Variants in BBS2 observed in about 807,000 individuals in gnomAD.
BBS2 encodes the protein Bardet-Biedl syndrome 2.
A neutral mutation model predicts 83.0 loss-of-function variants in BBS2; 62 were observed. That is an observed-to-expected ratio of 0.75 (90% CI 0.61 to 0.92). BBS2 has a LOEUF of 0.92. BBS2 is among the 40% of genes least tolerant of loss of function. The pLI, the probability that BBS2 is intolerant of heterozygous loss-of-function variation, is 0.00. For synonymous variants in BBS2, 303 were observed against 326.1 expected (o/e 0.93, Z 0.76); for missense variants, 784 against 901.0 (o/e 0.87, Z 1.66).
intron 17 of BBS2, chr16:56,478,947 G>C (rs1375497906): frequency 6.6e-6 from 1 of 152,192 alleles, no homozygotes; most frequent in Non-Finnish European, 1.5e-5. Context: ...CAGTGATAGT[G>C]AAGTTTGTTT....
rs564022658 is a variant in BBS2 at position 56,513,091 on chromosome 16, G to A, written c.345+1362C>T. Among the ~76,000 whole-genome samples the A allele has an allele frequency of 9.2e-5, 14 of 152,286 alleles. No individual in the cohort carries two copies. In the East Asian group the frequency reaches 2.5e-3, roughly 27 times the overall value. On this transcript the variant is annotated intron_variant, in intron 2 of 16. Transcript: ENST00000245157. ...TGCTTGAGCCCATGAGGTCAAGGCTGCAGTAAGCCATGATCATGCCACTGC... is the reference window on the plus strand; with the variant it reads ...TGCTTGAGCCCATGAGGTCAAGGCTACAGTAAGCCATGATCATGCCACTGC...
intron 1 of BBS2, among the ~76,000 whole-genome samples, chr16:56,517,853 T>G (rs930561789): frequency 3.3e-5 from 5 of 150,716 alleles, no homozygotes; most frequent in African/African-American, 1.2e-4. Context: ...CGAGTCTCAC[T>G]CTGTCGCCCA....
chr16:56,473,062 C>T (rs1199214315), intron 17 of BBS2, among the ~76,000 whole-genome samples: 3 of 152,192 alleles, frequency 2.0e-5, no homozygotes, highest in Non-Finnish European at 4.4e-5. Context: ...TCCCGAGTAG[C>T]TGGGACTACA....
At chr16:56,505,098 A>ACC (rs1209231420) in intron 7 of BBS2, among the ~76,000 whole-genome samples, 5 of 152,132 alleles carry the variant, frequency 3.3e-5, no homozygotes, top group African/African-American at 1.2e-4. Flanking sequence ...TAAGCCACCC[A>ACC]CCCTATGGTA....
At chr16:56,503,919 CAAA>C (rs11379537) in intron 7 of BBS2, among the ~76,000 whole-genome samples, 5 of 109,166 alleles carry the variant, frequency 4.6e-5, no homozygotes, top group Non-Finnish European at 4.0e-5. Context: ...ACTCCAGTCT[CAAA>C]AAAAAAAAAA....
At chr16:56,476,577 ATTG>A (rs1963486803) in intron 17 of BBS2, 1 of 156,296 alleles carries the variant, frequency 6.4e-6, no homozygotes. Flanking sequence ...GTACATTCTC[ATTG>A]TTGTCCAGCC....
At chr16:56,475,585 AAACT>A in intron 17 of BBS2, 1 of 1,607,198 alleles carries the variant, frequency 6.2e-7, no homozygotes. Context: ...TTCTGATAGC[AAACT>A]ATCATTTTTA....
intron 15 of BBS2, among the ~76,000 whole-genome samples, chr16:56,488,652 A>T (rs888834855): frequency 3.9e-5 from 6 of 152,114 alleles, no homozygotes; most frequent in African/African-American, 1.2e-4. Context: ...TGGAATCTTC[A>T]TTATTTGGGC....
At chr16:56,483,685 C>A (rs1261740563), downstream of BBS2, among the ~76,000 whole-genome samples, 24 of 151,366 alleles carry the variant, frequency 1.6e-4, no homozygotes, top group Admixed American at 1.6e-3. Context: ...AAAAAGCACA[C>A]AAATCCAAAT....
intron 17 of BBS2, among the ~76,000 whole-genome samples, chr16:56,473,714 T>A (rs76319459): frequency 6.6e-6 from 1 of 152,230 alleles, no homozygotes; most frequent in Non-Finnish European, 1.5e-5. Context: ...TTTTTTTTTT[T>A]CATGAGTTGC....
At chr16:56,507,276 G>A (rs1215091370) in intron 5 of BBS2, among the ~76,000 whole-genome samples, 1 of 152,312 alleles carries the variant, frequency 6.6e-6, no homozygotes, top group Non-Finnish European at 1.5e-5. Context: ...TTTAGCCCCA[G>A]ATTCCTCAGC....
rs1369293430 is a variant in BBS2 at position 56,511,210 on chromosome 16, G to C, written c.420C>G (p.Gly140=). The change falls in exon 3 of 17, where the codon GGC becomes GGG. Residue 140 remains glycine (G), a synonymous_variant. Coordinates refer to ENST00000245157, the MANE Select transcript of BBS2 (RefSeq NM_031885.5). ...DISSPLAIIG[G]NCALQGFNHE... ...GATTGAAACCTTGCAGAGCACAATT[G>C]CCACCAATAATCGCAAGAGGGGAAG... 6.2e-7 allele frequency: 1 copy of C among 1,614,064 alleles called. No homozygotes were observed. Among genetic ancestry groups the C allele is most frequent in the East Asian group, 2.2e-5 (1 of 44,870 alleles).
At chr16:56,473,025 G>T (rs1416665803) in intron 17 of BBS2, among the ~76,000 whole-genome samples, 4 of 152,172 alleles carry the variant, frequency 2.6e-5, no homozygotes, top group Non-Finnish European at 5.9e-5. Flanking sequence ...CCGTCTTCCG[G>T]GTTCAAGCGA....
chr16:56,504,345 TC>T (rs764561724), intron 7 of BBS2, among the ~76,000 whole-genome samples: 4 of 152,220 alleles, frequency 2.6e-5, no homozygotes, highest in Non-Finnish European at 5.9e-5. Context: ...ATAAGAAGGC[TC>T]ATTTGCTAAC....
intron 15 of BBS2, among the ~76,000 whole-genome samples, chr16:56,490,526 C>T (rs1347520793): frequency 1.3e-5 from 2 of 151,506 alleles, no homozygotes; most frequent in Non-Finnish European, 2.9e-5. Flanking sequence ...GGTGTGGTAG[C>T]GCTACTTGGG....
chr16:56,502,638 G>T, intron 8 of BBS2, 35 bp downstream of exon 8: 1 of 1,613,944 alleles, frequency 6.2e-7, no homozygotes, highest in South Asian at 1.1e-5. Flanking sequence ...AATGGAAAAC[G>T]TGACTTTTTA....
At position 56,519,949 on chromosome 16, in the gene BBS2, G is replaced by T. The variant is rs1467015395; in HGVS notation, c.-87C>A. 5.2e-6 allele frequency: 6 copies of T among 1,159,842 alleles called. No homozygotes were observed. Among genetic ancestry groups the T allele is most frequent in the Non-Finnish European group, 7.7e-6 (6 of 780,494 alleles). The allele number at this position is 1,159,842 out of a possible 1,614,324, so 71.8% of individuals were successfully genotyped here. A position where few individuals can be genotyped will look rare whatever the true frequency, so the allele number is the denominator to read the frequency against. ...CACGCGCCCGGGCAAGAAGTGCAGG[G>T]ACACTACCTGCGCGGCCCCAGCCGC... On this transcript the variant is annotated 5_prime_UTR_variant, in exon 1 of 17. Coordinates refer to ENST00000245157, the MANE Select transcript of BBS2 (RefSeq NM_031885.5).
chr16:56,511,388 A>G (rs1438728276), intron 2 of BBS2, 104 bp from the exon 3 acceptor site: 32 of 1,497,470 alleles, frequency 2.1e-5, no homozygotes, highest in Non-Finnish European at 2.9e-5. Flanking sequence ...TGAGTAAAAC[A>G]GATTATTATC....
intron 1 of BBS2, among the ~76,000 whole-genome samples, chr16:56,516,292 G>A (rs1363992840): frequency 1.3e-5 from 2 of 152,174 alleles, no homozygotes; most frequent in African/African-American, 4.8e-5. Context: ...AGCTGAGGAG[G>A]TGCTGCAAAC....
Sources: allele counts gnomAD v4.1 joint callset (sites outside exome capture counted in the v4.1 genomes callset), GRCh38; gene constraint gnomAD v4.1.1; transcripts MANE v1.5; gene names NCBI Gene and HGNC (gene_info 2026-07-23, HGNC 2026-07-21).